UTRN: variants seen among roughly 807,000 people sequenced by gnomAD.
UTRN encodes the protein dystrophin-related protein 1.
A neutral mutation model predicts 463.9 loss-of-function variants in UTRN; 283 were observed. The observed-to-expected ratio is 0.61, with a 90% CI of 0.55 to 0.67. UTRN has a LOEUF of 0.67. UTRN is among the 30% of genes least tolerant of loss of function. UTRN has a pLI of 0.00. For missense variants in UTRN, 3,922 were observed against 4,084.3 expected, an observed-to-expected ratio of 0.96 and a Z score of 1.08; for synonymous variants, 1,442 against 1,431.5, an observed-to-expected ratio of 1.01 and a Z score of -0.17.
At chr6:144,546,336 C>A (rs756737705) in intron 46 of UTRN, among the ~76,000 whole-genome samples, 1 of 152,042 alleles carries the variant, frequency 6.6e-6, no homozygotes, top group African/African-American at 2.4e-5. Context: ...TCTCAGGACC[C>A]CTTTACACTT....
chr6:144,824,617 T>C lies in UTRN; in HGVS notation c.9495-2731T>C, dbSNP rs1342269076. On this transcript the variant is annotated intron_variant, in intron 66 of 74. Coordinates refer to ENST00000367545, the MANE Select transcript of UTRN (RefSeq NM_007124.3). The stretch of plus-strand genomic sequence containing the variant: ...ATATATATATATATATATATATCTT[T>C]TTTTTTTTTTTTTTTTTTTTGAGAC... Among the ~76,000 whole-genome samples, 34 of 98,622 alleles carry C rather than the reference T, an allele frequency of 3.4e-4. 2 individuals carry two copies. The highest frequency in any genetic ancestry group is 5.6e-4 in the East Asian group (2 of 3,550). 64.7% of individuals were successfully genotyped at this position (98,622 alleles called of 152,430 possible). A position where few individuals can be genotyped will look rare whatever the true frequency, so the allele number is the denominator to read the frequency against.
intron 51 of UTRN, among the ~76,000 whole-genome samples, chr6:144,605,218 C>T (rs1465585344): frequency 6.6e-6 from 1 of 152,114 alleles, no homozygotes. Context: ...TTTTCCATGA[C>T]AGTTATATAT....
chr6:144,551,105 T>C lies in UTRN; in HGVS notation c.6928+23T>C, dbSNP rs778116485. 32 of 1,538,086 alleles carry C rather than the reference T, an allele frequency of 2.1e-5. 1 individual carries two copies. The highest frequency in any genetic ancestry group is 1.8e-4 in the Middle Eastern group (1 of 5,454). On this transcript the variant is annotated intron_variant, in intron 48 of 74. Coordinates refer to ENST00000367545, the MANE Select transcript of UTRN (RefSeq NM_007124.3). ...AATGTAAGTTTTTTAAAAAAAGTTA[T>C]GTATTATCATCCACTTTCCCTGCAA... is the stretch of plus-strand genomic sequence containing the variant.
At chr6:144,782,864 T>C (rs907609958) in intron 61 of UTRN, among the ~76,000 whole-genome samples, 2 of 152,052 alleles carry the variant, frequency 1.3e-5, no homozygotes, top group Admixed American at 1.3e-4. Context: ...TACTCATTGT[T>C]CTGGTGGGAG....
At chr6:144,667,171 C>T (rs556840318) in intron 51 of UTRN, among the ~76,000 whole-genome samples, 1 of 152,244 alleles carries the variant, frequency 6.6e-6, no homozygotes, top group East Asian at 1.9e-4. Context: ...TCTCCTGCCT[C>T]AGCCTCCCGA....
chr6:144,455,080 C>G (rs1327418110), intron 19 of UTRN, among the ~76,000 whole-genome samples: 1 of 150,302 alleles, frequency 6.7e-6, no homozygotes, highest in Non-Finnish European at 1.5e-5. Context: ...CACACACAAA[C>G]ACACAGAAAC....
In UTRN at chr6:144,319,014, A is replaced by G. The variant is rs149274220; in HGVS notation, c.79+27107A>G. ...AGCCTTGGAGGTCGAGGCTGCAGTGAACTATGGTGGTACCACTGCACTCCA... is the reference window on the plus strand; with the variant it reads ...AGCCTTGGAGGTCGAGGCTGCAGTGGACTATGGTGGTACCACTGCACTCCA... On this transcript the variant is annotated intron_variant, in intron 2 of 74. Transcript: ENST00000367545. 4.0e-4 allele frequency among the ~76,000 whole-genome samples: 61 copies of G among 152,336 alleles called. 1 individual carries two copies. In the East Asian group the frequency reaches 0.011, roughly 28 times the overall value.
intron 53 of UTRN, among the ~76,000 whole-genome samples, chr6:144,719,872 T>C (rs1041924100): frequency 5.9e-5 from 9 of 152,206 alleles, no homozygotes; most frequent in Admixed American, 2.0e-4. Context: ...GAAAAGTGCA[T>C]GTTAGCAAAG....
intron 51 of UTRN, among the ~76,000 whole-genome samples, chr6:144,632,457 T>C (rs531528669): frequency 6.6e-6 from 1 of 152,200 alleles, no homozygotes; most frequent in Non-Finnish European, 1.5e-5. Context: ...TTTTCTACTT[T>C]TTTTTCCTGA....
chr6:144,574,935 G>A (rs1410946999), intron 50 of UTRN, among the ~76,000 whole-genome samples: 1 of 152,052 alleles, frequency 6.6e-6, no homozygotes, highest in East Asian at 1.9e-4. Context: ...AGATTGCTGA[G>A]TTGTATCACT....
At chr6:144,721,189 C>G (rs542126923) in intron 53 of UTRN, among the ~76,000 whole-genome samples, 12 of 152,086 alleles carry the variant, frequency 7.9e-5, no homozygotes, top group Admixed American at 2.0e-4. Context: ...ACTTCTAAAA[C>G]ATGATTTCAG....
At chr6:144,303,938 A>C (rs1455816664) in intron 2 of UTRN, among the ~76,000 whole-genome samples, 1 of 152,232 alleles carries the variant, frequency 6.6e-6, no homozygotes, top group African/African-American at 2.4e-5. Flanking sequence ...GAATAAATGC[A>C]AATTAAAAAT....
intron 10 of UTRN, among the ~76,000 whole-genome samples, chr6:144,437,016 A>G (rs4896722): frequency 0.99 from 148,620 of 150,584 alleles, 73,352 homozygotes; most frequent in East Asian, 1. Context: ...GCAGTGGCAC[A>G]ATCTTGGCTC....
chr6:144,754,601 T>C, intron 56 of UTRN, 119 bp from the exon 57 acceptor site: 1 of 711,464 alleles, frequency 1.4e-6, no homozygotes, highest in Admixed American at 2.9e-5. Flanking sequence ...GGGGTCTATA[T>C]AAACAATCAT....
chr6:144,425,472 A>C (rs190729728), intron 6 of UTRN, among the ~76,000 whole-genome samples: 3 of 152,018 alleles, frequency 2.0e-5, no homozygotes, highest in Non-Finnish European at 2.9e-5. Context: ...AACTTTTAGC[A>C]CCCGTTCATA....
At chr6:144,450,144 T>C (rs1562418031) in intron 17 of UTRN, among the ~76,000 whole-genome samples, 1 of 152,224 alleles carries the variant, frequency 6.6e-6, no homozygotes, top group Non-Finnish European at 1.5e-5. Flanking sequence ...TTTCACAGCC[T>C]GTTCTCGACT....
At chr6:144,302,901 TA>T (rs1805412871) in intron 2 of UTRN, among the ~76,000 whole-genome samples, 1 of 152,178 alleles carries the variant, frequency 6.6e-6, no homozygotes, top group Non-Finnish European at 1.5e-5. Flanking sequence ...CTGTCCCTGG[TA>T]ACTGAGTGTG....
intron 40 of UTRN, 139 bp from the exon 41 acceptor site, chr6:144,522,877 T>A: frequency 1.3e-6 from 1 of 778,116 alleles, no homozygotes; most frequent in Non-Finnish European, 1.9e-6. Context: ...AAAAAAAGTT[T>A]TCAGTTTTCA....
In UTRN at chr6:144,291,693, A is replaced by C. The variant is rs540894788; in HGVS notation, c.-92-44A>C. On this transcript the variant is annotated intron_variant, in intron 1 of 74. Transcript: ENST00000367545. The stretch of plus-strand genomic sequence containing the variant: ...TACTACGAATAACTATATAAAATAT[A>C]TAAATACATTTTTTCAAGTCAGTAC... 1.2e-5 allele frequency: 7 copies of C among 601,234 alleles called. No homozygotes were observed. The South Asian group carries it at 1.8e-4, about 16-fold the overall frequency. The allele number at this position is 601,234 out of a possible 1,614,324, so 37.2% of individuals were successfully genotyped here.
Sources: allele counts gnomAD v4.1 joint callset (sites outside exome capture counted in the v4.1 genomes callset), GRCh38; gene constraint gnomAD v4.1.1; transcripts MANE v1.5; gene names NCBI Gene and HGNC (gene_info 2026-07-23, HGNC 2026-07-21).